Variants in RFX8 observed in about 807,000 individuals in gnomAD.
The protein encoded by RFX8 is regulatory factor X8.
RFX8 carries 46 observed loss-of-function variants against 54.6 expected under a neutral mutation model. The ratio of observed to expected loss-of-function variants is 0.84; its 90% confidence interval spans 0.67 to 1.08. The LOEUF (loss-of-function observed/expected upper bound fraction) is 1.08. RFX8 is among the 50% of genes least tolerant of loss of function. The pLI, the probability that RFX8 is intolerant of heterozygous loss-of-function variation, is 0.00. For synonymous variants in RFX8, 192 were observed against 209.5 expected (o/e 0.92, Z 0.72); for missense variants, 536 against 562.3 (o/e 0.95, Z 0.47).
intron 4 of RFX8, among the ~76,000 whole-genome samples, chr2:101,419,608 T>C (rs539963969): frequency 6.6e-6 from 1 of 152,350 alleles, no homozygotes; most frequent in African/African-American, 2.4e-5. Flanking sequence ...CTTGCCTGTT[T>C]GGGATTTCCA....
At chr2:101,410,417 A>ACAGT (rs1553451405) in intron 9 of RFX8, among the ~76,000 whole-genome samples, 1 of 147,824 alleles carries the variant, frequency 6.8e-6, no homozygotes, top group Non-Finnish European at 1.5e-5. Flanking sequence ...ACACACACAC[A>ACAGT]CTTATGTGAT....
In RFX8 at chr2:101,466,884, A is replaced by T; in HGVS notation, c.-36T>A. The T allele has an allele frequency of 6.6e-7, 1 of 1,508,934 alleles. No homozygotes were observed. The highest frequency in any genetic ancestry group is 9.0e-7 in the Non-Finnish European group (1 of 1,107,986). 93.5% of individuals were successfully genotyped at this position (1,508,934 alleles called of 1,614,324 possible). A position where few individuals can be genotyped will look rare whatever the true frequency, so the allele number is the denominator to read the frequency against. On this transcript the variant is annotated 5_prime_UTR_variant, in exon 2 of 12. Transcript: ENST00000428343. The stretch of plus-strand genomic sequence containing the variant: ...GGGACGCTGCACTCTTCGCAAATGC[A>T]GAAGTTGTCGACCAACCTGGAGGAG...
In RFX8 at chr2:101,422,424, A is replaced by C. The variant is rs1479707345; in HGVS notation, c.121T>G (p.Ser41Ala). The C allele has an allele frequency of 1.3e-6, 2 of 1,550,534 alleles. No individual in the cohort carries two copies. Among genetic ancestry groups the C allele is most frequent in the Non-Finnish European group, 1.7e-6 (2 of 1,145,876 alleles). Residue 41 changes from serine (S) to alanine (A), a missense_variant, in exon 3 of 12, where the codon TCT becomes GCT. Ser to Ala is a moderately conservative substitution (Grantham distance 99, BLOSUM62 1). Transcript: ENST00000428343. ...AGAAATGGACATCTCCTGAATTCAG[A>C]CAAAGGGGATCCAACTGGGTCTGTC... ...MKTDPVGSPLSEFRRCPFLEQ... is the reference protein window; with the variant it reads ...MKTDPVGSPLAEFRRCPFLEQ...
intron 2 of RFX8, among the ~76,000 whole-genome samples, chr2:101,455,616 T>C (rs965916209): frequency 6.6e-6 from 1 of 152,222 alleles, no homozygotes; most frequent in African/African-American, 2.4e-5. Context: ...TTGGTTACTG[T>C]AGCCTTGTAG....
intron 6 of RFX8, among the ~76,000 whole-genome samples, chr2:101,416,858 G>C (rs1053618064): frequency 6.6e-6 from 1 of 152,148 alleles, no homozygotes; most frequent in Non-Finnish European, 1.5e-5. Flanking sequence ...TAAATAGCCT[G>C]GTGGAAGCAG....
At chr2:101,469,109 T>TATATATATATAC (rs1558897018) in intron 1 of RFX8, among the ~76,000 whole-genome samples, 1 of 26,040 alleles carries the variant, frequency 3.8e-5, no homozygotes, top group African/African-American at 1.3e-4. Context: ...TATATATAAG[T>TATATATATATAC]GTATATATAT....
rs1190436869 is a variant in RFX8 at position 101,397,468 on chromosome 2, CA to C, written c.*79del. ...TTATATACATAACATCATCTTTCGT[CA>C]ATAGAAAAACTTTAGTATTTAATAT... On this transcript the variant is annotated 3_prime_UTR_variant, in exon 12 of 12. Transcript: ENST00000428343. The C allele has an allele frequency of 2.2e-6, 2 of 926,370 alleles. No individual in the cohort carries two copies. The highest frequency in any genetic ancestry group is 3.1e-6 in the Non-Finnish European group (2 of 636,494). The allele number at this position is 926,370 out of a possible 1,614,324, so 57.4% of individuals were successfully genotyped here. A position where few individuals can be genotyped will look rare whatever the true frequency, so the allele number is the denominator to read the frequency against.
At chr2:101,427,613 C>G (rs1430416771) in intron 2 of RFX8, among the ~76,000 whole-genome samples, 1 of 152,192 alleles carries the variant, frequency 6.6e-6, no homozygotes, top group African/African-American at 2.4e-5. Context: ...TTTTAAGTCA[C>G]TGACTTTGTG....
intron 2 of RFX8, among the ~76,000 whole-genome samples, chr2:101,463,650 C>A (rs1689410062): frequency 6.6e-6 from 1 of 152,232 alleles, no homozygotes. Flanking sequence ...GGGATGCACA[C>A]TGGGACAGTC....
chr2:101,470,713 T>C (rs1051090130), intron 1 of RFX8, among the ~76,000 whole-genome samples: 6 of 66,836 alleles, frequency 9.0e-5, no homozygotes, highest in African/African-American at 3.3e-4. Flanking sequence ...AGTACTCTTT[T>C]TTTTTTTTTT....
intron 1 of RFX8, among the ~76,000 whole-genome samples, chr2:101,469,050 ATATACG>A (rs1332716271): frequency 3.1e-5 from 1 of 32,364 alleles, no homozygotes; most frequent in African/African-American, 1.1e-4. Flanking sequence ...ATGTATATAT[ATATACG>A]TATATATATG....
chr2:101,433,072 C>T (rs758082698), intron 2 of RFX8, among the ~76,000 whole-genome samples: 3 of 151,954 alleles, frequency 2.0e-5, no homozygotes, highest in Non-Finnish European at 2.9e-5. Context: ...TGGGGAAGAC[C>T]GGGGAGGGAG....
At chr2:101,453,888 G>A (rs1688828916) in intron 2 of RFX8, among the ~76,000 whole-genome samples, 2 of 152,058 alleles carry the variant, frequency 1.3e-5, no homozygotes, top group African/African-American at 4.8e-5. Context: ...TAATGTGATA[G>A]TCATTTTCAC....
At chr2:101,471,770 C>T (rs1158795757) in intron 1 of RFX8, among the ~76,000 whole-genome samples, 2 of 152,246 alleles carry the variant, frequency 1.3e-5, no homozygotes, top group East Asian at 3.8e-4. Flanking sequence ...TCTCTTGGGG[C>T]CTTTCTCCTG....
chr2:101,426,093 C>T (rs59858565), intron 2 of RFX8, among the ~76,000 whole-genome samples: 2,092 of 152,114 alleles, frequency 0.014, 53 homozygotes, highest in African/African-American at 0.047. Context: ...AATAAGTATC[C>T]CAATTATACT....
At chr2:101,405,515 C>T (rs1558836529) in intron 10 of RFX8, among the ~76,000 whole-genome samples, 1 of 152,086 alleles carries the variant, frequency 6.6e-6, no homozygotes, top group Non-Finnish European at 1.5e-5. Context: ...AGTGATTTGA[C>T]CAGGAAGTTT....
At chr2:101,474,091 C>T (rs989492550) in intron 1 of RFX8, 3 of 511,518 alleles carry the variant, frequency 5.9e-6, no homozygotes, top group African/African-American at 2.0e-5. Context: ...GGGGCCGCTC[C>T]TCACACCCGG....
At chr2:101,468,982 ATATATATAAG>A (rs1558895924) in intron 1 of RFX8, among the ~76,000 whole-genome samples, 4 of 111,968 alleles carry the variant, frequency 3.6e-5, no homozygotes, top group African/African-American at 1.2e-4. Flanking sequence ...ATGTAAGTAT[ATATATATAAG>A]TATATATATA....
At chr2:101,472,767 C>T (rs747304516) in intron 1 of RFX8, among the ~76,000 whole-genome samples, 3 of 152,264 alleles carry the variant, frequency 2.0e-5, no homozygotes, top group Non-Finnish European at 4.4e-5. Context: ...CCTGTAATCC[C>T]AGCACTTTGG....
Sources: allele counts gnomAD v4.1 joint callset (sites outside exome capture counted in the v4.1 genomes callset), GRCh38; gene constraint gnomAD v4.1.1; transcripts MANE v1.5; gene names NCBI Gene and HGNC (gene_info 2026-07-23, HGNC 2026-07-21).